Variants in SLC1A2 observed in about 807,000 individuals in gnomAD.
The protein encoded by SLC1A2 is solute carrier family 1 member 2.
In SLC1A2, 15 loss-of-function variants were observed where a neutral mutation model predicts 48.8. That is an observed-to-expected ratio of 0.31 (90% CI 0.21 to 0.47). The LOEUF (loss-of-function observed/expected upper bound fraction) is 0.47. Ranked by LOEUF, SLC1A2 falls within the 20% of genes least tolerant of loss-of-function variation. The pLI is 0.99. For synonymous variants in SLC1A2, 279 were observed against 272.6 expected, an observed-to-expected ratio of 1.02 and a Z score of -0.23; for missense variants, 502 against 730.5, an observed-to-expected ratio of 0.69 and a Z score of 3.61.
At chr11:35,329,004 C>A (rs1852338314) in intron 1 of SLC1A2, among the ~76,000 whole-genome samples, 1 of 152,198 alleles carries the variant, frequency 6.6e-6, no homozygotes, top group African/African-American at 2.4e-5. Flanking sequence ...GCAACCTAGA[C>A]ATCCTTCAGT....
intron 1 of SLC1A2, chr11:35,404,256 A>G (rs142977431): frequency 7.9e-5 from 12 of 152,316 alleles, no homozygotes; most frequent in Non-Finnish European, 1.2e-4. Context: ...CTTCTAACCC[A>G]GGGTTGCCCC....
At chr11:35,273,451 A>C (rs752471041) in intron 9 of SLC1A2, among the ~76,000 whole-genome samples, 3 of 152,212 alleles carry the variant, frequency 2.0e-5, no homozygotes, top group Non-Finnish European at 4.4e-5. Context: ...AGGGATACTC[A>C]CCTGCAAGCA....
chr11:35,264,862 G>A (rs1372298316), intron 10 of SLC1A2: 1 of 152,030 alleles, frequency 6.6e-6, no homozygotes, highest in African/African-American at 2.4e-5. Flanking sequence ...AGGACTACTT[G>A]TGCTAGGTAC....
chr11:35,411,198 T>C lies in SLC1A2; in HGVS notation c.17+7752A>G, dbSNP rs115632476. 6.2e-3 allele frequency among the ~76,000 whole-genome samples: 943 copies of C among 152,334 alleles called. 12 individuals carry two copies. Among genetic ancestry groups the C allele is most frequent in the African/African-American group, 0.022 (897 of 41,576 alleles). On this transcript the variant is annotated intron_variant, in intron 1 of 10. Coordinates refer to ENST00000278379, the MANE Select transcript of SLC1A2 (RefSeq NM_004171.4). ...ATAATTCCATTACTCTCTAATCTAT[T>C]CTTAGAAATTAGCCCAATATTTATT...
chr11:35,384,322 A>G (rs938324602), intron 1 of SLC1A2, among the ~76,000 whole-genome samples: 2 of 152,192 alleles, frequency 1.3e-5, no homozygotes. Flanking sequence ...TACAGATCCC[A>G]TGTGGAATAT....
intron 4 of SLC1A2, among the ~76,000 whole-genome samples, chr11:35,308,695 C>G: frequency 6.6e-6 from 1 of 152,292 alleles, no homozygotes; most frequent in African/African-American, 2.4e-5. Context: ...AAAGGGTCCA[C>G]TTATCAATAT....
Position 35,260,888 on chromosome 11 carries a change from A to G in SLC1A2, c.*6T>C, listed in dbSNP as rs773609356. 1.2e-6 allele frequency: 2 copies of G among 1,604,718 alleles called. No homozygotes were observed. The highest frequency in any genetic ancestry group is 1.7e-6 in the Non-Finnish European group (2 of 1,171,588). On this transcript the variant is annotated 3_prime_UTR_variant, in exon 11 of 11. Coordinates refer to ENST00000278379, the MANE Select transcript of SLC1A2 (RefSeq NM_004171.4). ...TTTATTCAAGAATTTGCTGAGACTC[A>G]TATCCTTATTTCTCACGTTTCCAAG... is the stretch of plus-strand genomic sequence containing the variant.
intron 1 of SLC1A2, among the ~76,000 whole-genome samples, chr11:35,319,686 TG>T (rs1179202412): frequency 1.3e-5 from 2 of 152,336 alleles, no homozygotes; most frequent in Admixed American, 1.3e-4. Context: ...AACCTGGCAA[TG>T]TGGTTGGATG....
At chr11:35,331,003 A>C (rs1852407712) in intron 1 of SLC1A2, among the ~76,000 whole-genome samples, 1 of 152,248 alleles carries the variant, frequency 6.6e-6, no homozygotes, top group Admixed American at 6.5e-5. Context: ...CTTATGCTAC[A>C]CTATCTCATT....
intron 1 of SLC1A2, among the ~76,000 whole-genome samples, chr11:35,333,833 T>A (rs1395670229): frequency 1.2e-5 from 1 of 81,254 alleles, no homozygotes; most frequent in African/African-American, 4.7e-5. Flanking sequence ...GCTAATTTTT[T>A]TTTTTTTTTT....
chr11:35,293,419 G>A (rs960144801), intron 6 of SLC1A2, among the ~76,000 whole-genome samples: 7 of 152,152 alleles, frequency 4.6e-5, no homozygotes, highest in Non-Finnish European at 1.0e-4. Flanking sequence ...ATAAACTGAT[G>A]TTATAGTTCT....
At chr11:35,407,245 T>C (rs1386020962) in intron 1 of SLC1A2, among the ~76,000 whole-genome samples, 3 of 152,170 alleles carry the variant, frequency 2.0e-5, no homozygotes, top group Admixed American at 2.0e-4. Flanking sequence ...AGGCAGCCAT[T>C]TCCTCCCTGT....
At chr11:35,278,970 G>C (rs569872341) in intron 9 of SLC1A2, among the ~76,000 whole-genome samples, 2 of 152,260 alleles carry the variant, frequency 1.3e-5, no homozygotes, top group South Asian at 2.1e-4. Context: ...AGTGAGCCAA[G>C]ATCGCACCAC....
At position 35,306,216 on chromosome 11, in the gene SLC1A2, C is replaced by T. The variant is rs1381822167; in HGVS notation, c.588G>A (p.Leu196=). 1.2e-6 allele frequency: 2 copies of T among 1,613,542 alleles called. No homozygotes were observed. Among genetic ancestry groups the T allele is most frequent in the Middle Eastern group, 1.7e-4 (1 of 6,054 alleles). ...QQIQTVTKKV[L]VAPPPDEEAN... ...CCTCCTCGTCCGGCGGTGGTGCAACCAGGACTTTCTTCGTCACTGTTTGAA... is the reference window on the plus strand; with the variant it reads ...CCTCCTCGTCCGGCGGTGGTGCAACTAGGACTTTCTTCGTCACTGTTTGAA... Residue 196 remains leucine (L), a synonymous_variant, in exon 5 of 11, where the codon CTG becomes CTA. Transcript: ENST00000278379.
intron 1 of SLC1A2, among the ~76,000 whole-genome samples, chr11:35,324,885 A>G (rs897225529): frequency 5.9e-5 from 9 of 152,122 alleles, no homozygotes; most frequent in Admixed American, 5.9e-4. Context: ...CCAAGTAACA[A>G]TGAGCCTCCA....
chr11:35,338,910 T>C (rs1852735448), intron 1 of SLC1A2, among the ~76,000 whole-genome samples: 1 of 152,206 alleles, frequency 6.6e-6, no homozygotes, highest in African/African-American at 2.4e-5. Context: ...AGGTCTCCAC[T>C]GAGCTTTTCA....
intron 1 of SLC1A2, among the ~76,000 whole-genome samples, chr11:35,346,871 C>T (rs1293440501): frequency 6.6e-6 from 1 of 152,180 alleles, no homozygotes; most frequent in Non-Finnish European, 1.5e-5. Flanking sequence ...GGGTACCCCA[C>T]ATCTTGGACA....
intron 1 of SLC1A2, among the ~76,000 whole-genome samples, chr11:35,338,426 G>A (rs1333985142): frequency 1.3e-5 from 2 of 152,112 alleles, no homozygotes; most frequent in African/African-American, 4.8e-5. Context: ...ACTGACCCAT[G>A]CCCATCTCAG....
intron 7 of SLC1A2, among the ~76,000 whole-genome samples, chr11:35,287,610 T>C (rs1364137554): frequency 6.6e-6 from 1 of 152,190 alleles, no homozygotes; most frequent in African/African-American, 2.4e-5. Flanking sequence ...CAGGAAAGCA[T>C]GTGCTCATTA....
Sources: gnomAD v4.1 joint callset for allele counts (sites outside exome capture counted in the v4.1 genomes callset) on GRCh38, gnomAD v4.1.1 for gene constraint, MANE v1.5 for transcripts, NCBI Gene and HGNC (gene_info 2026-07-23, HGNC 2026-07-21) for gene names.